GBP7: variants seen among roughly 807,000 people sequenced by gnomAD.
The protein encoded by GBP7 is guanylate binding protein 7.
GBP7 carries 43 observed loss-of-function variants against 61.3 expected under a neutral mutation model. The observed-to-expected ratio is 0.70, with a 90% CI of 0.55 to 0.91. GBP7 has a LOEUF of 0.91. Ranked by LOEUF, GBP7 falls within the 40% of genes least tolerant of loss-of-function variation. The probability of loss-of-function intolerance (pLI) is 0.00; values close to 1 mark genes in which losing one functional copy is unlikely to be tolerated. For missense variants in GBP7, 717 were observed against 740.5 expected (o/e 0.97, Z 0.37); for synonymous variants, 267 against 271.0 (o/e 0.99, Z 0.14).
At position 89,152,016 on chromosome 1, in the gene GBP7, G is replaced by C. The variant is rs376772374; in HGVS notation, c.625+252C>G. 3.7e-4 allele frequency among the ~76,000 whole-genome samples: 56 copies of C among 152,154 alleles called. 6 individuals carry two copies. The highest frequency in any genetic ancestry group is 9.2e-4 in the Admixed American group (14 of 15,286). ...TGTAATCCTCAATATATTTTTCATGGTACTTATTGGTCTAAAATCATTTGA... is the reference window on the plus strand; with the variant it reads ...TGTAATCCTCAATATATTTTTCATGCTACTTATTGGTCTAAAATCATTTGA... On this transcript the variant is annotated intron_variant, in intron 5 of 10. Coordinates refer to ENST00000294671, the MANE Select transcript of GBP7 (RefSeq NM_207398.3).
chr1:89,165,510 GAAAA>G (rs377460369), intron 2 of GBP7, among the ~76,000 whole-genome samples: 2 of 110,850 alleles, frequency 1.8e-5, no homozygotes, highest in Non-Finnish European at 3.8e-5. Context: ...CAAAAAAAAA[GAAAA>G]AAAAAAAAAG....
chr1:89,145,153 A>G (rs1466834840), intron 8 of GBP7, among the ~76,000 whole-genome samples: 2 of 151,930 alleles, frequency 1.3e-5, no homozygotes, highest in Non-Finnish European at 1.5e-5. Context: ...GGGTTTCACC[A>G]TGTTGGCCAG....
chr1:89,162,021 T>C (rs2100656251), intron 3 of GBP7, among the ~76,000 whole-genome samples: 1 of 147,576 alleles, frequency 6.8e-6, no homozygotes, highest in Admixed American at 7.0e-5. Context: ...ATTTATTGAA[T>C]AGGGAATCTT....
intron 1 of GBP7, among the ~76,000 whole-genome samples, chr1:89,173,179 G>C (rs1256070812): frequency 6.6e-6 from 1 of 151,970 alleles, no homozygotes; most frequent in Non-Finnish European, 1.5e-5. Context: ...ATTTCTCCCA[G>C]TATCTTTGGT....
chr1:89,137,993 A>G (rs1681846736), intron 9 of GBP7, among the ~76,000 whole-genome samples: 1 of 152,150 alleles, frequency 6.6e-6, no homozygotes, highest in Non-Finnish European at 1.5e-5. Flanking sequence ...TAGCATTTCT[A>G]CACACCAATA....
chr1:89,133,521 T>A, intron 9 of GBP7, 70 bp from the exon 10 acceptor site: 1 of 1,298,590 alleles, frequency 7.7e-7, no homozygotes, highest in Non-Finnish European at 1.1e-6. Flanking sequence ...CATGGCTAAG[T>A]AGATGGAGTC....
At chr1:89,144,389 A>G (rs1682019235) in intron 8 of GBP7, among the ~76,000 whole-genome samples, 1 of 152,138 alleles carries the variant, frequency 6.6e-6, no homozygotes, top group South Asian at 2.1e-4. Context: ...TTGGGTGTAT[A>G]CCTAGTAATG....
At chr1:89,140,922 A>G (rs866375464) in intron 9 of GBP7, among the ~76,000 whole-genome samples, 1 of 152,204 alleles carries the variant, frequency 6.6e-6, no homozygotes, top group South Asian at 2.1e-4. Flanking sequence ...CTGGAGGTCA[A>G]TATTCTAAGG....
chr1:89,151,780 A>G (rs1038084821), intron 5 of GBP7, among the ~76,000 whole-genome samples: 10 of 152,220 alleles, frequency 6.6e-5, no homozygotes, highest in Middle Eastern at 3.4e-3. Context: ...AACTGTATGA[A>G]TCTCCTTTTT....
chr1:89,150,280 T>C, intron 6 of GBP7, 50 bp downstream of exon 6: 1 of 1,547,622 alleles, frequency 6.5e-7, no homozygotes, highest in Non-Finnish European at 8.9e-7. Flanking sequence ...TTACTAGTTT[T>C]TGAGATACAG....
Position 89,141,612 on chromosome 1 carries a change from C to T in GBP7, c.1402G>A (p.Val468Met), listed in dbSNP as rs190632489. 4.4e-4 allele frequency: 708 copies of T among 1,613,768 alleles called. 1 individual carries two copies. Among genetic ancestry groups the T allele is most frequent in the Admixed American group, 9.0e-4 (54 of 59,988 alleles). The change falls in exon 9 of 11, where the codon GTG (valine) becomes ATG (methionine). Residue 468 changes from valine to methionine, a missense_variant. Physicochemically the swap from Val to Met is conservative, Grantham distance 21. Transcript: ENST00000294671. ...TGCAGGATGGATTCCTCTATAACCA[C>T]CTGTGACTGCAGGAAGCTCTGGAGG... Reference protein sequence around the residue: ...EVLQSFLQSQVVIEESILQSD... With the variant: ...EVLQSFLQSQMVIEESILQSD...
chr1:89,133,394 T>G lies in GBP7; in HGVS notation c.1526A>C (p.Gln509Pro), dbSNP rs773066245. 6.2e-7 allele frequency: 1 copy of G among 1,614,116 alleles called. No homozygotes were observed. The highest frequency in any genetic ancestry group is 8.5e-7 in the Non-Finnish European group (1 of 1,179,992). ...EKEQELLRQK[Q>P]KEQQQMMEAQ... Reference sequence around the variant, plus strand: ...CTCCATCATTTGCTGCTGTTCCTTCTGTTTTTGTCTTAGCAGCTCCTGTTC... The same window carrying G: ...CTCCATCATTTGCTGCTGTTCCTTCGGTTTTTGTCTTAGCAGCTCCTGTTC... The change falls in exon 10 of 11, where the codon CAG becomes CCG. Residue 509 changes from glutamine to proline, a missense_variant. Physicochemically the swap from Gln to Pro is moderately conservative, Grantham distance 76. Coordinates refer to ENST00000294671, the MANE Select transcript of GBP7 (RefSeq NM_207398.3).
intron 9 of GBP7, 52 bp from the exon 10 acceptor site, chr1:89,133,503 A>G (rs923634618): frequency 1.3e-6 from 2 of 1,495,200 alleles, no homozygotes; most frequent in African/African-American, 2.8e-5. Flanking sequence ...AGGTGGGAGA[A>G]GAACCATCAT....
Position 89,152,230 on chromosome 1 carries a change from C to G in GBP7, c.625+38G>C, listed in dbSNP as rs780778250. On this transcript the variant is annotated intron_variant, in intron 5 of 10. Coordinates refer to ENST00000294671, the MANE Select transcript of GBP7 (RefSeq NM_207398.3). ...GGTAGGTCCTAGTTGATCCCACCCG[C>G]TACTGAACCTTCTCCCATCTAGGCC... is the stretch of plus-strand genomic sequence containing the variant. 3 of 1,591,162 alleles carry G rather than the reference C, an allele frequency of 1.9e-6. No homozygotes were observed. In the South Asian group the frequency reaches 3.4e-5, roughly 18 times the overall value.
intron 9 of GBP7, among the ~76,000 whole-genome samples, chr1:89,134,829 A>G (rs758282514): frequency 6.6e-6 from 1 of 152,224 alleles, no homozygotes; most frequent in Non-Finnish European, 1.5e-5. Flanking sequence ...CTCCTCAGCA[A>G]TAGTTCCTAA....
intron 3 of GBP7, among the ~76,000 whole-genome samples, chr1:89,161,633 T>A (rs1196166992): frequency 1.3e-5 from 2 of 152,102 alleles, no homozygotes; most frequent in African/African-American, 4.8e-5. Context: ...TTTTTGTGTG[T>A]GTGAATTTGT....
chr1:89,168,811 C>CA (rs1553127034), intron 2 of GBP7, among the ~76,000 whole-genome samples: 1 of 151,012 alleles, frequency 6.6e-6, no homozygotes, highest in Non-Finnish European at 1.5e-5. Flanking sequence ...ACAACAACAA[C>CA]AAAAAACGGT....
Position 89,150,372 on chromosome 1 carries a change from T to C in GBP7, c.829A>G (p.Lys277Glu). ...NFCSYIFTHA[K>E]TKTLREGILV... ...ATTCCCTCTCTCAGGGTCTTGGTCT[T>C]TGCATGGGTGAAGATATAAGAACAG... The change falls in exon 6 of 11, where the codon AAG becomes GAG. Residue 277 changes from lysine to glutamate, a missense_variant. Around this residue, in one of 3 missense-constraint regions of GBP7, gnomAD observed 387 missense variants for 385.2 expected, o/e 1.00. Transcript: ENST00000294671. The C allele has an allele frequency of 1.2e-6, 2 of 1,614,034 alleles. No homozygotes were observed. The highest frequency in any genetic ancestry group is 1.7e-6 in the Non-Finnish European group (2 of 1,179,920).
intron 8 of GBP7, among the ~76,000 whole-genome samples, chr1:89,142,174 G>A: frequency 6.6e-6 from 1 of 151,830 alleles, no homozygotes; most frequent in East Asian, 1.9e-4. Context: ...AATTTAAAAA[G>A]TTAAAACCTT....
Sources: allele counts gnomAD v4.1 joint callset (sites outside exome capture counted in the v4.1 genomes callset), GRCh38; gene constraint gnomAD v4.1.1; regional missense constraint gnomAD v4.1.1; transcripts MANE v1.5; gene names NCBI Gene and HGNC (gene_info 2026-07-23, HGNC 2026-07-21).